BMP6: variants seen among roughly 807,000 people sequenced by gnomAD.
BMP6 encodes VG-1-R.
BMP6 carries 17 observed loss-of-function variants against 54.1 expected under a neutral mutation model. The observed-to-expected ratio is 0.31, with a 90% CI of 0.22 to 0.47. The LOEUF (loss-of-function observed/expected upper bound fraction) is 0.47. Ranked by LOEUF, BMP6 falls within the 20% of genes least tolerant of loss-of-function variation. BMP6 has a pLI of 1.00. For synonymous variants in BMP6, 328 were observed against 291.2 expected (o/e 1.13, Z -1.28); for missense variants, 720 against 690.4 (o/e 1.04, Z -0.48).
intron 2 of BMP6, among the ~76,000 whole-genome samples, chr6:7,856,367 G>A (rs556741159): frequency 6.6e-6 from 1 of 151,968 alleles, no homozygotes; most frequent in African/African-American, 2.4e-5. Flanking sequence ...AATGAAAATG[G>A]ATTTTTTTTA....
intron 1 of BMP6, among the ~76,000 whole-genome samples, chr6:7,813,110 T>TAA (rs1561780016): frequency 6.0e-5 from 1 of 16,550 alleles, no homozygotes; most frequent in Non-Finnish European, 8.9e-5. Context: ...AAAAAAAAAA[T>TAA]ATATATATAT....
chr6:7,816,421 G>A (rs1248732008), intron 1 of BMP6, among the ~76,000 whole-genome samples: 1 of 152,184 alleles, frequency 6.6e-6, no homozygotes, highest in Non-Finnish European at 1.5e-5. Context: ...GGTAGAGCTG[G>A]AATTTAAACC....
At chr6:7,778,955 G>C (rs762133569) in intron 1 of BMP6, among the ~76,000 whole-genome samples, 1 of 152,228 alleles carries the variant, frequency 6.6e-6, no homozygotes, top group Admixed American at 6.5e-5. Context: ...ACTGAGGACA[G>C]GTGCTGTGCA....
intron 1 of BMP6, among the ~76,000 whole-genome samples, chr6:7,783,945 T>C (rs1235587577): frequency 1.3e-5 from 2 of 152,220 alleles, no homozygotes; most frequent in Non-Finnish European, 2.9e-5. Flanking sequence ...GGATGAGCCC[T>C]ACAGAGTTTC....
chr6:7,854,384 TAA>T (rs111496504), intron 2 of BMP6, among the ~76,000 whole-genome samples: 10 of 148,554 alleles, frequency 6.7e-5, no homozygotes, highest in Non-Finnish European at 1.3e-4. Context: ...AACATCTTTT[TAA>T]AAAAAAAAAA....
rs142992863 is a variant in BMP6 at position 7,786,173 on chromosome 6, C to T, written c.664+58554C>T. Among the ~76,000 whole-genome samples the T allele has an allele frequency of 2.7e-3, 412 of 151,852 alleles. 1 individual carries two copies. The highest frequency in any genetic ancestry group is 5.6e-3 in the Admixed American group (86 of 15,260). On this transcript the variant is annotated intron_variant, in intron 1 of 6. Coordinates refer to ENST00000283147, the MANE Select transcript of BMP6 (RefSeq NM_001718.6). ...TGAAGTTTTCTCTGGATTTTTTTTTCCTTCTCCGTGACTTGCTGTGGTAAA... is the reference window on the plus strand; with the variant it reads ...TGAAGTTTTCTCTGGATTTTTTTTTTCTTCTCCGTGACTTGCTGTGGTAAA...
At chr6:7,868,969 G>A (rs911496681) in intron 4 of BMP6, among the ~76,000 whole-genome samples, 5 of 152,064 alleles carry the variant, frequency 3.3e-5, no homozygotes, top group African/African-American at 1.2e-4. Context: ...CCTTCTCCCT[G>A]TCTTGCCCTT....
At chr6:7,823,185 G>A (rs944212331) in intron 1 of BMP6, among the ~76,000 whole-genome samples, 9 of 152,274 alleles carry the variant, frequency 5.9e-5, no homozygotes, top group Admixed American at 5.9e-4. Context: ...TCCTGCAGAT[G>A]ATGATGAGGC....
chr6:7,767,034 T>A (rs1420862028), intron 1 of BMP6, among the ~76,000 whole-genome samples: 1 of 151,206 alleles, frequency 6.6e-6, no homozygotes, highest in Admixed American at 6.6e-5. Flanking sequence ...TCACCCAGGC[T>A]GGGGTGCAGT....
chr6:7,876,876 T>A (rs1368168828), intron 4 of BMP6, among the ~76,000 whole-genome samples: 1 of 152,166 alleles, frequency 6.6e-6, no homozygotes, highest in Non-Finnish European at 1.5e-5. Flanking sequence ...ATTTTAGGTA[T>A]TCTTCCTTTT....
intron 1 of BMP6, among the ~76,000 whole-genome samples, chr6:7,766,462 T>C (rs759423681): frequency 1.9e-4 from 29 of 151,872 alleles, no homozygotes; most frequent in Non-Finnish European, 2.5e-4. Context: ...AAAATGTTTT[T>C]AAAAAATTAA....
chr6:7,731,860 T>C (rs1020367115), intron 1 of BMP6, among the ~76,000 whole-genome samples: 1 of 152,224 alleles, frequency 6.6e-6, no homozygotes, highest in African/African-American at 2.4e-5. Context: ...TAATTAAATA[T>C]CTGCATTTCA....
chr6:7,815,188 A>T (rs1379922864), intron 1 of BMP6, among the ~76,000 whole-genome samples: 5 of 152,184 alleles, frequency 3.3e-5, no homozygotes, highest in Admixed American at 6.5e-5. Flanking sequence ...TATTAGAGTC[A>T]TTACTCAAAA....
chr6:7,788,452 C>T (rs1758049055), intron 1 of BMP6, among the ~76,000 whole-genome samples: 1 of 152,172 alleles, frequency 6.6e-6, no homozygotes, highest in African/African-American at 2.4e-5. Flanking sequence ...CCTTCAAATC[C>T]TGTCTTCTAT....
chr6:7,826,172 C>T (rs558151065), intron 1 of BMP6, among the ~76,000 whole-genome samples: 3 of 152,266 alleles, frequency 2.0e-5, no homozygotes, highest in East Asian at 1.9e-4. Flanking sequence ...TCTCTGTCTG[C>T]GAGTCTGGTT....
intron 1 of BMP6, among the ~76,000 whole-genome samples, chr6:7,830,320 T>TTAATA (rs1301407250): frequency 6.6e-6 from 1 of 152,236 alleles, no homozygotes; most frequent in Non-Finnish European, 1.5e-5. Context: ...TAAACCTTGT[T>TTAATA]TCTGCTCAGA....
intron 1 of BMP6, among the ~76,000 whole-genome samples, chr6:7,748,992 G>T (rs1418918001): frequency 6.6e-6 from 1 of 152,228 alleles, no homozygotes; most frequent in African/African-American, 2.4e-5. Flanking sequence ...AAAGAGGAAA[G>T]ACCTGTAGTA....
chr6:7,866,939 C>T (rs561951436), intron 4 of BMP6, among the ~76,000 whole-genome samples: 7 of 152,314 alleles, frequency 4.6e-5, no homozygotes, highest in Admixed American at 1.3e-4. Flanking sequence ...GGTGCCATCT[C>T]AGCTCACTGC....
intron 1 of BMP6, among the ~76,000 whole-genome samples, chr6:7,839,488 C>G (rs1758930196): frequency 6.6e-6 from 1 of 152,242 alleles, no homozygotes; most frequent in African/African-American, 2.4e-5. Flanking sequence ...CCCATAGCCC[C>G]TGGTATACCA....
Sources: allele counts gnomAD v4.1 joint callset (sites outside exome capture counted in the v4.1 genomes callset), GRCh38; gene constraint gnomAD v4.1.1; transcripts MANE v1.5; gene names NCBI Gene and HGNC (gene_info 2026-07-23, HGNC 2026-07-21).